The following GPR19 variants were observed in gnomAD, a reference collection of about 807,000 sequenced individuals.
The protein encoded by GPR19 is G protein-coupled receptor 19.
A neutral mutation model predicts 28.5 loss-of-function variants in GPR19; 14 were observed. The observed-to-expected ratio is 0.49, with a 90% CI of 0.32 to 0.77. GPR19 has a LOEUF of 0.77. GPR19 is among the 30% of genes least tolerant of loss of function. GPR19 has a pLI of 0.03. For synonymous variants in GPR19, 173 were observed against 184.1 expected, an observed-to-expected ratio of 0.94 and a Z score of 0.49; for missense variants, 409 against 504.1, an observed-to-expected ratio of 0.81 and a Z score of 1.81.
the GPR19 span, among the ~76,000 whole-genome samples, chr12:12,712,528 C>A: frequency 5.3e-5 from 8 of 152,208 alleles, no homozygotes; most frequent in Non-Finnish European, 1.0e-4. Context: ...CACTTACCAC[C>A]CCTACCAATT....
In GPR19 at chr12:12,695,476, G is replaced by T. The variant is rs1159423055; in HGVS notation, c.-197C>A. The T allele has an allele frequency of 6.6e-6, 1 of 152,212 alleles. No homozygotes were observed. Among genetic ancestry groups the T allele is most frequent in the Non-Finnish European group, 1.5e-5 (1 of 68,068 alleles). 9.4% of individuals were successfully genotyped at this position (152,212 alleles called of 1,614,324 possible). On this transcript the variant is annotated 5_prime_UTR_variant, in exon 2 of 4. Transcript: ENST00000651487. ...GGTGGTACCTTTAAGATGTTGCGGG[G>T]CCAAATCCAATGCCGGTGCAGGTGT...
chr12:12,668,295 T>C (rs953759992), intron 3 of GPR19, among the ~76,000 whole-genome samples: 5 of 152,216 alleles, frequency 3.3e-5, no homozygotes, highest in Non-Finnish European at 5.9e-5. Context: ...TTCGGTATTA[T>C]GTTAATAAAT....
chr12:12,668,837 A>G (rs1284039344), intron 3 of GPR19: 1 of 152,108 alleles, frequency 6.6e-6, no homozygotes, highest in Non-Finnish European at 1.5e-5. Flanking sequence ...TGTGCTTACT[A>G]TGTGCCAGGC....
At chr12:12,675,927 T>C (rs1394771163) in intron 3 of GPR19, among the ~76,000 whole-genome samples, 1 of 152,212 alleles carries the variant, frequency 6.6e-6, no homozygotes, top group Non-Finnish European at 1.5e-5. Context: ...ACTTCTGATG[T>C]ACAGAACTGT....
intron 3 of GPR19, among the ~76,000 whole-genome samples, chr12:12,676,432 TGA>T (rs148685334): frequency 0.019 from 2,860 of 152,304 alleles, 92 homozygotes; most frequent in African/African-American, 0.064. Context: ...GAGCTCATCC[TGA>T]GAGTGCATTT....
intron 3 of GPR19, among the ~76,000 whole-genome samples, chr12:12,672,551 A>G (rs1222871762): frequency 6.6e-6 from 1 of 152,218 alleles, no homozygotes; most frequent in Non-Finnish European, 1.5e-5. Flanking sequence ...GTTTGAGACC[A>G]GCCTGGCCAA....
chr12:12,715,183 T>C, the GPR19 span: 2 of 152,228 alleles, frequency 1.3e-5, no homozygotes, highest in Non-Finnish European at 2.9e-5. Context: ...TGCACATATA[T>C]AGAGTTCCTG....
At chr12:12,712,709 C>T in the GPR19 span, among the ~76,000 whole-genome samples, 1 of 152,130 alleles carries the variant, frequency 6.6e-6, no homozygotes, top group Admixed American at 6.6e-5. Flanking sequence ...CTTGCTCTAT[C>T]ACCCAGGCTG....
the GPR19 span, among the ~76,000 whole-genome samples, chr12:12,707,884 C>A: frequency 2.7e-5 from 4 of 150,840 alleles, no homozygotes; most frequent in Non-Finnish European, 5.9e-5. Context: ...GCGCCGAGCC[C>A]AAATTCTGTA....
At chr12:12,689,150 C>T (rs1283977859) in intron 2 of GPR19, among the ~76,000 whole-genome samples, 12 of 152,130 alleles carry the variant, frequency 7.9e-5, no homozygotes, top group Non-Finnish European at 1.5e-4. Flanking sequence ...GGTGGTGCCA[C>T]ACACTTAATA....
upstream of GPR19, among the ~76,000 whole-genome samples, chr12:12,697,979 TG>T (rs1946290807): frequency 6.6e-6 from 1 of 151,974 alleles, no homozygotes; most frequent in Non-Finnish European, 1.5e-5. Context: ...ATAAAGTGAA[TG>T]GGTATCTTGT....
At chr12:12,664,875 G>C (rs971228698) in intron 3 of GPR19, among the ~76,000 whole-genome samples, 2 of 133,706 alleles carry the variant, frequency 1.5e-5, no homozygotes, top group Admixed American at 9.0e-5. Flanking sequence ...AGCTGAGATC[G>C]CGCCACTGCA....
chr12:12,669,130 A>G (rs907916421), intron 3 of GPR19: 2 of 152,256 alleles, frequency 1.3e-5, no homozygotes, highest in Non-Finnish European at 2.9e-5. Context: ...CCACAGATAC[A>G]TCTGTTCAAT....
the GPR19 span, chr12:12,716,950 C>A: frequency 1.0e-6 from 1 of 985,318 alleles, no homozygotes; most frequent in Non-Finnish European, 1.2e-6. Flanking sequence ...CGGCTCCTAG[C>A]GAGCTGCCGG....
At chr12:12,701,241 CT>C in the GPR19 span, among the ~76,000 whole-genome samples, 1 of 152,164 alleles carries the variant, frequency 6.6e-6, no homozygotes, top group Admixed American at 6.6e-5. Flanking sequence ...GAATTTTCTG[CT>C]TTTTTTCTTA....
chr12:12,679,407 A>G (rs1045907772), intron 3 of GPR19, among the ~76,000 whole-genome samples: 3 of 144,892 alleles, frequency 2.1e-5, no homozygotes, highest in African/African-American at 7.7e-5. Context: ...CCTGGGCAAC[A>G]TAGTGAGTCC....
the GPR19 span, chr12:12,716,892 G>T: frequency 3.0e-6 from 3 of 984,738 alleles, no homozygotes; most frequent in African/African-American, 1.7e-5. Flanking sequence ...CGCAGACCAC[G>T]AGGTGGGGGC....
At chr12:12,663,148 T>C (rs1393956003) in intron 3 of GPR19, among the ~76,000 whole-genome samples, 3 of 152,230 alleles carry the variant, frequency 2.0e-5, no homozygotes, top group Non-Finnish European at 4.4e-5. Flanking sequence ...CATGCACTAA[T>C]AGCTTGCCAC....
At chr12:12,705,501 C>T in the GPR19 span, among the ~76,000 whole-genome samples, 1 of 152,048 alleles carries the variant, frequency 6.6e-6, no homozygotes, top group Non-Finnish European at 1.5e-5. Context: ...CTTAGCATAT[C>T]CTGCAAAAAT....
Sources: allele counts gnomAD v4.1 joint callset (sites outside exome capture counted in the v4.1 genomes callset), GRCh38; gene constraint gnomAD v4.1.1; transcripts MANE v1.5; gene names NCBI Gene and HGNC (gene_info 2026-07-23, HGNC 2026-07-21).